ANO1: variants seen among roughly 807,000 people sequenced by gnomAD.
ANO1 encodes the protein anoctamin 1, also known as anoctamin-1.
A neutral mutation model predicts 124.0 loss-of-function variants in ANO1; 59 were observed. The ratio of observed to expected loss-of-function variants is 0.48; its 90% CI spans 0.39 to 0.59. The LOEUF is 0.59. Ranked by LOEUF, ANO1 falls within the 20% of genes least tolerant of loss-of-function variation. The probability of loss-of-function intolerance (pLI) is 0.00; values close to 1 mark genes in which losing one functional copy is unlikely to be tolerated. For missense variants in ANO1, 1,059 were observed against 1,328.0 expected (o/e 0.80, Z 3.15); for synonymous variants, 529 against 532.0 (o/e 0.99, Z 0.08).
intron 11 of ANO1, 59 bp downstream of exon 11, chr11:70,132,138 G>C (rs2135526552): frequency 3.3e-6 from 5 of 1,509,212 alleles, no homozygotes; most frequent in Middle Eastern, 3.4e-4. Flanking sequence ...GTGGTACCTA[G>C]GCTGCTTCTG....
intron 1 of ANO1, among the ~76,000 whole-genome samples, chr11:70,039,577 G>A (rs1330343779): frequency 1.3e-5 from 2 of 150,722 alleles, no homozygotes; most frequent in Admixed American, 1.3e-4. Flanking sequence ...TCCGCAGGTG[G>A]TAGTCCTACC....
At chr11:70,166,310 T>A (rs944601475) in intron 20 of ANO1, among the ~76,000 whole-genome samples, 7 of 152,016 alleles carry the variant, frequency 4.6e-5, no homozygotes, top group African/African-American at 1.7e-4. Context: ...AGACCGAGAC[T>A]CCGTCTCAAA....
intron 1 of ANO1, among the ~76,000 whole-genome samples, chr11:69,990,377 G>A (rs902331735): frequency 5.9e-5 from 9 of 152,136 alleles, no homozygotes; most frequent in African/African-American, 1.4e-4. Flanking sequence ...ATACCACATT[G>A]CGTTTGTCCA....
In ANO1 at chr11:70,184,683, A is replaced by G. The variant is rs2049043788; in HGVS notation, c.2589-907A>G. On this transcript the variant is annotated intron_variant, in intron 24 of 25. Transcript: ENST00000355303. ...AGCTTCGTTCTTTCGCAAATGTTTG[A>G]TAAACTGCTTAAGTTACTTTGATAA... 2.6e-5 allele frequency among the ~76,000 whole-genome samples: 4 copies of G among 152,218 alleles called. No individual in the cohort carries two copies. The South Asian group carries it at 8.3e-4, about 32-fold the overall frequency.
the ANO1 span, among the ~76,000 whole-genome samples, chr11:69,980,283 T>C: frequency 9.9e-5 from 15 of 151,954 alleles, no homozygotes; most frequent in African/African-American, 3.6e-4. Flanking sequence ...AAGTGGGGAA[T>C]GGGAGTGAGC....
chr11:70,036,162 C>T (rs1555004378), intron 1 of ANO1, among the ~76,000 whole-genome samples: 1 of 152,168 alleles, frequency 6.6e-6, no homozygotes, highest in Non-Finnish European at 1.5e-5. Context: ...CCAATCAGGC[C>T]ACACTCCCTT....
At chr11:70,129,311 G>A (rs1431562372) in intron 10 of ANO1, 1 of 152,256 alleles carries the variant, frequency 6.6e-6, no homozygotes. Flanking sequence ...CACTCGTGTT[G>A]GTTGTTGGTT....
intron 1 of ANO1, among the ~76,000 whole-genome samples, chr11:69,994,020 T>C (rs2120320036): frequency 6.6e-6 from 1 of 151,940 alleles, no homozygotes; most frequent in South Asian, 2.1e-4. Flanking sequence ...TCAGTGTCAC[T>C]CCCCCTGCAC....
intron 1 of ANO1, among the ~76,000 whole-genome samples, chr11:70,007,233 T>A (rs1856508720): frequency 6.6e-6 from 1 of 151,972 alleles, no homozygotes; most frequent in African/African-American, 2.4e-5. Flanking sequence ...ATCCTCAAAG[T>A]TCATTCAACT....
At chr11:69,998,645 C>A (rs10898994) in intron 1 of ANO1, among the ~76,000 whole-genome samples, 27,888 of 152,100 alleles carry the variant, frequency 0.18, 2,628 homozygotes, top group South Asian at 0.26. Context: ...GGCCATTCTC[C>A]CATTGCCAAA....
At chr11:70,080,653 A>G (rs1372978445) in intron 1 of ANO1, among the ~76,000 whole-genome samples, 1 of 152,170 alleles carries the variant, frequency 6.6e-6, no homozygotes, top group Non-Finnish European at 1.5e-5. Flanking sequence ...CCTCCTGCAA[A>G]CCCAGGTGAA....
At chr11:70,161,983 G>C (rs964014289) in intron 18 of ANO1, among the ~76,000 whole-genome samples, 2 of 151,618 alleles carry the variant, frequency 1.3e-5, no homozygotes, top group African/African-American at 2.4e-5. Context: ...ACCGGGGAGT[G>C]AGGACCCGGG....
chr11:70,137,413 C>T (rs1318035775), intron 11 of ANO1, among the ~76,000 whole-genome samples: 2 of 125,902 alleles, frequency 1.6e-5, no homozygotes, highest in African/African-American at 5.5e-5. Flanking sequence ...TCCACAAACC[C>T]CCCACCCCCC....
intron 1 of ANO1, among the ~76,000 whole-genome samples, chr11:70,083,447 C>T (rs891966415): frequency 2.0e-5 from 3 of 152,126 alleles, no homozygotes; most frequent in African/African-American, 4.8e-5. Context: ...GTCTCTCCCT[C>T]CACCATGCAT....
intron 1 of ANO1, among the ~76,000 whole-genome samples, chr11:69,992,042 T>C (rs1994776): frequency 0.18 from 27,703 of 152,138 alleles, 2,808 homozygotes; most frequent in Admixed American, 0.22. Context: ...TGGACTTGGT[T>C]TACTTGGTGG....
chr11:70,138,215 C>A (rs1312871831), intron 11 of ANO1, among the ~76,000 whole-genome samples: 1 of 146,468 alleles, frequency 6.8e-6, no homozygotes. Context: ...CGTAGTGGCA[C>A]GCGCCTGTAG....
At chr11:70,019,250 C>CCG (rs1555002353) in intron 1 of ANO1, among the ~76,000 whole-genome samples, 1 of 130,694 alleles carries the variant, frequency 7.7e-6, no homozygotes, top group Admixed American at 7.8e-5. Context: ...CCCCCACACA[C>CCG]ACACACACAC....
the ANO1 span, among the ~76,000 whole-genome samples, chr11:69,975,466 T>G: frequency 1.3e-5 from 2 of 152,298 alleles, no homozygotes; most frequent in East Asian, 3.9e-4. Flanking sequence ...AGCTGGCACC[T>G]ATCTGTACAA....
At position 70,006,867 on chromosome 11, in the gene ANO1, G is replaced by A. The variant is rs191895402; in HGVS notation, c.58+20701G>A. On this transcript the variant is annotated intron_variant, in intron 1 of 27. Transcript: ENST00000531349. ...CTATTTTTAGTAGGGAAGGGGTTTC[G>A]CCACGTTGGCCAGGCTGGTCTCGAA... 2.6e-3 allele frequency among the ~76,000 whole-genome samples: 388 copies of A among 151,614 alleles called. 1 individual carries two copies. The highest frequency in any genetic ancestry group is 9.0e-3 in the African/African-American group (373 of 41,324).
Sources: gnomAD v4.1 joint callset for allele counts (sites outside exome capture counted in the v4.1 genomes callset) on GRCh38, gnomAD v4.1.1 for gene constraint, MANE v1.5 for transcripts, NCBI Gene and HGNC (gene_info 2026-07-23, HGNC 2026-07-21) for gene names.